SYCP2L: variants seen among roughly 807,000 people sequenced by gnomAD.
SYCP2L encodes synaptonemal complex protein 2 like.
Under a neutral mutation model 125.8 loss-of-function variants are expected in SYCP2L, and 98 were observed. That is an observed-to-expected ratio of 0.78 (90% CI 0.66 to 0.92). The LOEUF (loss-of-function observed/expected upper bound fraction) is 0.92. Among genes scored for constraint, SYCP2L ranks in the 40% least tolerant of loss-of-function variants. The pLI is 0.00. For missense variants in SYCP2L, 842 were observed against 936.4 expected (o/e 0.90, Z 1.32); for synonymous variants, 317 against 325.4 (o/e 0.97, Z 0.28).
intron 23 of SYCP2L, among the ~76,000 whole-genome samples, chr6:10,943,655 C>A (rs1316791001): frequency 6.6e-6 from 1 of 152,178 alleles, no homozygotes; most frequent in Non-Finnish European, 1.5e-5. Flanking sequence ...CAGATTATTA[C>A]TTATTAATTT....
rs1443242717 is a variant in SYCP2L at position 10,905,927 on chromosome 6, A to T, written c.642-93A>T. 6 of 791,242 alleles carry T rather than the reference A, an allele frequency of 7.6e-6. No individual in the cohort carries two copies. In the East Asian group the frequency reaches 1.3e-4, roughly 17 times the overall value. The allele number at this position is 791,242 out of a possible 1,614,324, so 49.0% of individuals were successfully genotyped here. On this transcript the variant is annotated intron_variant, in intron 8 of 29. Transcript: ENST00000283141. ...CTGAATTTGAAATAGTTTCAGAAACATATACTTTGGTTTTAAAGTTTAATG... is the reference window on the plus strand; with the variant it reads ...CTGAATTTGAAATAGTTTCAGAAACTTATACTTTGGTTTTAAAGTTTAATG...
At chr6:10,921,214 T>A (rs1412755920) in intron 14 of SYCP2L, among the ~76,000 whole-genome samples, 1 of 151,896 alleles carries the variant, frequency 6.6e-6, no homozygotes, top group Non-Finnish European at 1.5e-5. Flanking sequence ...CATGATCTCA[T>A]TTTTTTTATG....
chr6:10,919,349 G>A (rs1468761296), intron 14 of SYCP2L, among the ~76,000 whole-genome samples: 1 of 152,128 alleles, frequency 6.6e-6, no homozygotes, highest in Non-Finnish European at 1.5e-5. Flanking sequence ...TCTCTCTTCA[G>A]GATCTAGCCA....
intron 14 of SYCP2L, among the ~76,000 whole-genome samples, chr6:10,918,615 C>T (rs1223941612): frequency 5.3e-5 from 8 of 152,024 alleles, no homozygotes; most frequent in Admixed American, 5.2e-4. Context: ...CAGCTCACTG[C>T]AACCTCCGCC....
rs1435259516 is a variant in SYCP2L at position 10,907,606 on chromosome 6, T to C, written c.741T>C (p.Asp247=). 2 of 1,613,852 alleles carry C rather than the reference T, an allele frequency of 1.2e-6. No homozygotes were observed. Among genetic ancestry groups the C allele is most frequent in the Non-Finnish European group, 1.7e-6 (2 of 1,179,874 alleles). ...GACTGACGATTAAAAAATCAAGGGA[T>C]GAACTTGTCCATAAATGGTTTGATG... ...LCRLTIKKSR[D]ELVHKWFDDE... Residue 247 remains aspartate, a synonymous_variant, in exon 10 of 30, where the codon GAT becomes GAC. Transcript: ENST00000283141.
At chr6:10,911,049 G>A (rs4713044) in intron 12 of SYCP2L, among the ~76,000 whole-genome samples, 180 bp downstream of exon 12, 104,957 of 151,886 alleles carry the variant, frequency 0.69, 36,832 homozygotes, top group East Asian at 0.99. Flanking sequence ...ACCAGAATGC[G>A]TTACCAGTAA....
At chr6:10,965,180 G>A (rs1471068233) in intron 29 of SYCP2L, among the ~76,000 whole-genome samples, 1 of 152,120 alleles carries the variant, frequency 6.6e-6, no homozygotes, top group Admixed American at 6.6e-5. Context: ...GACTGGATGA[G>A]GAGAGTCCAA....
chr6:10,900,133 C>G (rs1581817208), intron 6 of SYCP2L, among the ~76,000 whole-genome samples: 1 of 152,128 alleles, frequency 6.6e-6, no homozygotes, highest in South Asian at 2.1e-4. Context: ...TCCAATTAGG[C>G]TGCCATGACA....
intron 26 of SYCP2L, 38 bp downstream of exon 26, chr6:10,958,913 G>A (rs1182442133): frequency 3.2e-5 from 50 of 1,571,672 alleles, no homozygotes; most frequent in Non-Finnish European, 4.3e-5. Flanking sequence ...GTGGAAGTGT[G>A]ATCACTCACC....
At position 10,931,856 on chromosome 6, in the gene SYCP2L, G is replaced by A. The variant is rs113167108; in HGVS notation, c.1683+367G>A. Among the ~76,000 whole-genome samples the A allele has an allele frequency of 8.7e-3, 1,315 of 151,778 alleles. 29 individuals are homozygous for A. Among genetic ancestry groups the A allele is most frequent in the African/African-American group, 0.03 (1,253 of 41,426 alleles). ...AGCACATGCTTATAGTCCCAGCTAC[G>A]CAGGAGGCTGAGGTGGGAGGATGGC... On this transcript the variant is annotated intron_variant, in intron 20 of 29. Transcript: ENST00000283141.
At chr6:10,914,840 G>GCCTCAGC (rs1381752375) in intron 14 of SYCP2L, among the ~76,000 whole-genome samples, 1 of 150,344 alleles carries the variant, frequency 6.7e-6, no homozygotes, top group Non-Finnish European at 1.5e-5. Flanking sequence ...TCTGCCTCCT[G>GCCTCAGC]GGTTCAAGCG....
In SYCP2L at chr6:10,930,473, A is replaced by T; in HGVS notation, c.1592A>T (p.Tyr531Phe). Reference sequence around the variant, plus strand: ...CAGAAAAAGAAATCCCTAAAATCATATTCCAGTAGAAAGAAGACAAGAACC... The same window carrying T: ...CAGAAAAAGAAATCCCTAAAATCATTTTCCAGTAGAAAGAAGACAAGAACC... The part of the protein sequence containing the change: ...SNQKKKSLKS[Y>F]SSRKKTRTRS... The change falls in exon 19 of 30, where the codon TAT becomes TTT. Residue 531 changes from tyrosine to phenylalanine, a missense_variant. Physicochemically the swap from Tyr to Phe is conservative, Grantham distance 22 (BLOSUM62 3). Transcript: ENST00000283141. The T allele has an allele frequency of 6.2e-7, 1 of 1,613,346 alleles. No homozygotes were observed. The highest frequency in any genetic ancestry group is 8.5e-7 in the Non-Finnish European group (1 of 1,179,712).
At chr6:10,923,136 C>CT (rs1391076482) in intron 14 of SYCP2L, among the ~76,000 whole-genome samples, 2 of 152,060 alleles carry the variant, frequency 1.3e-5, no homozygotes, top group Non-Finnish European at 2.9e-5. Flanking sequence ...ATGTTTCCCT[C>CT]TTTTTTCCCC....
chr6:10,912,940 A>G lies in SYCP2L; in HGVS notation c.1072+13A>G. 6.2e-7 allele frequency: 1 copy of G among 1,612,218 alleles called. No individual in the cohort carries two copies. On this transcript the variant is annotated intron_variant, in intron 14 of 29. Coordinates refer to ENST00000283141, the MANE Select transcript of SYCP2L (RefSeq NM_001040274.3). The surrounding 1 kb of genome is among the most constrained non-coding windows in gnomAD (Gnocchi z 4.1). ...TTCAGCATAACAGGTAATATGATAC[A>G]TTTAAACAACCCACGTCCAGTTCCA...
chr6:10,923,062 C>T (rs1020489521), intron 14 of SYCP2L, among the ~76,000 whole-genome samples: 1 of 152,052 alleles, frequency 6.6e-6, no homozygotes, highest in Non-Finnish European at 1.5e-5. Context: ...CAGAGCATCT[C>T]GGTTAGTACT....
intron 17 of SYCP2L, among the ~76,000 whole-genome samples, 179 bp from the exon 18 acceptor site, chr6:10,928,224 G>A (rs1335822857): frequency 1.3e-5 from 2 of 151,620 alleles, no homozygotes; most frequent in Non-Finnish European, 2.9e-5. Context: ...ATACCCTTGT[G>A]ATACAAGGGT....
At chr6:10,966,152 A>AACG (rs1196044254) in intron 29 of SYCP2L, among the ~76,000 whole-genome samples, 1 of 152,054 alleles carries the variant, frequency 6.6e-6, no homozygotes, top group Non-Finnish European at 1.5e-5. Context: ...CAACAACAAC[A>AACG]ACCACACCAA....
At chr6:10,895,674 A>T (rs1780246668) in intron 4 of SYCP2L, among the ~76,000 whole-genome samples, 1 of 152,072 alleles carries the variant, frequency 6.6e-6, no homozygotes, top group South Asian at 2.1e-4. Context: ...TGATCAGATT[A>T]TTCGAAGAGA....
intron 14 of SYCP2L, among the ~76,000 whole-genome samples, chr6:10,920,541 A>G (rs181437380): frequency 5.5e-4 from 84 of 152,330 alleles, no homozygotes; most frequent in African/African-American, 1.9e-3. Context: ...AAGCAAACAT[A>G]TAGTTAGATG....
Sources: gnomAD v4.1 joint callset for allele counts (sites outside exome capture counted in the v4.1 genomes callset) on GRCh38, gnomAD v4.1.1 for gene constraint, Gnocchi (gnomAD v3.1) non-coding constraint, MANE v1.5 for transcripts, NCBI Gene and HGNC (gene_info 2026-07-23, HGNC 2026-07-21) for gene names.